NRCAM: variants seen among roughly 807,000 people sequenced by gnomAD.
NRCAM encodes the protein NgCAM-related cell adhesion molecule.
NRCAM carries 83 observed loss-of-function variants against 156.5 expected under a neutral mutation model. The observed-to-expected ratio is 0.53, with a 90% confidence interval of 0.44 to 0.64. The LOEUF (loss-of-function observed/expected upper bound fraction) is 0.64. Among genes scored for constraint, NRCAM ranks in the 30% least tolerant of loss-of-function variants. The pLI is 0.00. For missense variants in NRCAM, 1,417 were observed against 1,597.3 expected (o/e 0.89, Z 1.92); for synonymous variants, 538 against 563.9 (o/e 0.95, Z 0.65).
chr7:108,430,437 C>T (rs1224390803), intron 1 of NRCAM, among the ~76,000 whole-genome samples: 5 of 152,032 alleles, frequency 3.3e-5, no homozygotes, highest in African/African-American at 9.6e-5. Flanking sequence ...AGGGATCTCC[C>T]GATAGATTAG....
intron 3 of NRCAM, among the ~76,000 whole-genome samples, chr7:108,244,586 G>A (rs2095779844): frequency 2.0e-5 from 3 of 151,824 alleles, no homozygotes; most frequent in African/African-American, 7.3e-5. Flanking sequence ...CATCAACAGA[G>A]TCAATTACAT....
At chr7:108,225,799 C>T (rs1182529463) in intron 9 of NRCAM, 98 bp from the exon 10 acceptor site, 6 of 793,348 alleles carry the variant, frequency 7.6e-6, no homozygotes, top group Admixed American at 3.4e-5. Context: ...CTATCCTGAC[C>T]GAGTGCTGTT....
chr7:108,440,837 T>C (rs1009295471), intron 1 of NRCAM, among the ~76,000 whole-genome samples: 4 of 152,226 alleles, frequency 2.6e-5, no homozygotes, highest in Admixed American at 2.6e-4. Flanking sequence ...GCTCACAATA[T>C]TTTTGTGTGT....
chr7:108,449,368 C>A (rs139443441), intron 1 of NRCAM, among the ~76,000 whole-genome samples: 8 of 152,188 alleles, frequency 5.3e-5, no homozygotes, highest in East Asian at 1.9e-4. Context: ...CCAGCTCCCC[C>A]CTCCCTTCAC....
chr7:108,166,417 A>G (rs1478638493), intron 30 of NRCAM, among the ~76,000 whole-genome samples: 1 of 151,338 alleles, frequency 6.6e-6, no homozygotes, highest in African/African-American at 2.4e-5. Context: ...CCAGCTAATT[A>G]TTGTATTTTT....
intron 1 of NRCAM, among the ~76,000 whole-genome samples, chr7:108,447,270 T>C (rs1049752945): frequency 1.4e-5 from 2 of 144,862 alleles, no homozygotes; most frequent in African/African-American, 5.1e-5. Context: ...TTTTTTTTTT[T>C]TTTTTTTTTT....
intron 11 of NRCAM, among the ~76,000 whole-genome samples, chr7:108,211,658 T>C (rs1014054915): frequency 6.6e-6 from 1 of 152,020 alleles, no homozygotes. Flanking sequence ...GAGGGACAAC[T>C]TGCATGACTC....
At chr7:108,446,982 G>C (rs1845018117) in intron 1 of NRCAM, among the ~76,000 whole-genome samples, 1 of 151,968 alleles carries the variant, frequency 6.6e-6, no homozygotes, top group South Asian at 2.1e-4. Context: ...TGCCCGCCCA[G>C]GCCTCCCAAA....
Position 108,148,021 on chromosome 7 carries a change from T to C in NRCAM, c.*1889A>G, listed in dbSNP as rs2039675915. ...CAGGTGGATCTGTGAAAAATGAATATAGAGACATGAAAGTATTTAGGGCCA... is the reference window on the plus strand; with the variant it reads ...CAGGTGGATCTGTGAAAAATGAATACAGAGACATGAAAGTATTTAGGGCCA... On this transcript the variant is annotated 3_prime_UTR_variant, in exon 33 of 33. Transcript: ENST00000379028. 6.6e-6 allele frequency: 1 copy of C among 152,670 alleles called. No individual in the cohort carries two copies. Among genetic ancestry groups the C allele is most frequent in the African/African-American group, 2.4e-5 (1 of 41,462 alleles). 9.5% of individuals were successfully genotyped at this position (152,670 alleles called of 1,614,324 possible).
intron 3 of NRCAM, among the ~76,000 whole-genome samples, chr7:108,282,863 T>C (rs1161698905): frequency 1.3e-5 from 2 of 152,238 alleles, no homozygotes; most frequent in African/African-American, 2.4e-5. Context: ...CAAACTCTAC[T>C]GCACACTAGA....
At chr7:108,448,631 AGCT>A (rs1847060914) in intron 1 of NRCAM, among the ~76,000 whole-genome samples, 1 of 152,172 alleles carries the variant, frequency 6.6e-6, no homozygotes, top group South Asian at 2.1e-4. Context: ...ACCTCCTAGT[AGCT>A]GCTTTTATTA....
chr7:108,396,612 A>T (rs189932399), intron 2 of NRCAM, among the ~76,000 whole-genome samples: 65 of 152,362 alleles, frequency 4.3e-4, no homozygotes, highest in East Asian at 3.3e-3. Flanking sequence ...AGAAATCATA[A>T]ATGTTTGAGG....
At chr7:108,362,999 C>T (rs183800342) in intron 2 of NRCAM, among the ~76,000 whole-genome samples, 2 of 152,090 alleles carry the variant, frequency 1.3e-5, no homozygotes, top group East Asian at 3.9e-4. Context: ...TAAGAACTTG[C>T]TAAACAAACA....
Position 108,175,340 on chromosome 7 carries a change from C to G in NRCAM, c.3169G>C (p.Asp1057His). Reference protein sequence around the residue: ...TVDEAGILPPDVGAGKVQAVN... With the variant: ...TVDEAGILPPHVGAGKVQAVN... ...ATTTTACCTTTGCCTGCACCTACAT[C>G]AGGTGGAAGAATACCAGCTTTAATG... Residue 1057 changes from aspartate (D) to histidine (H), a missense_variant, in exon 28 of 33, where the codon GAT becomes CAT. By Grantham distance (81) the Asp-to-His change is moderately conservative. Coordinates refer to ENST00000379028, the MANE Select transcript of NRCAM (RefSeq NM_001037132.4). 6.4e-7 allele frequency: 1 copy of G among 1,561,520 alleles called. No individual in the cohort carries two copies. The highest frequency in any genetic ancestry group is 8.7e-7 in the Non-Finnish European group (1 of 1,151,792).
At chr7:108,333,458 T>TTTAA (rs1197349048) in intron 2 of NRCAM, among the ~76,000 whole-genome samples, 1 of 152,194 alleles carries the variant, frequency 6.6e-6, no homozygotes, top group Non-Finnish European at 1.5e-5. Context: ...ATAATTCTAT[T>TTTAA]TTAACAAAAC....
chr7:108,443,588 A>T (rs1841006682), intron 1 of NRCAM, among the ~76,000 whole-genome samples: 1 of 152,208 alleles, frequency 6.6e-6, no homozygotes, highest in Non-Finnish European at 1.5e-5. Flanking sequence ...TCATGTTGAA[A>T]GAAACCTTCT....
At chr7:108,352,492 A>T (rs1239363227) in intron 2 of NRCAM, among the ~76,000 whole-genome samples, 1 of 152,248 alleles carries the variant, frequency 6.6e-6, no homozygotes, top group Non-Finnish European at 1.5e-5. Flanking sequence ...GTCTGCCTGG[A>T]TGCTGGAAAG....
chr7:108,453,085 C>A (rs575355928), intron 1 of NRCAM, among the ~76,000 whole-genome samples: 2 of 152,254 alleles, frequency 1.3e-5, no homozygotes, highest in South Asian at 4.2e-4. Context: ...TTAATCTTCC[C>A]AAGGACAGAT....
At position 108,149,436 on chromosome 7, in the gene NRCAM, CA is replaced by C. The variant is rs2040117649; in HGVS notation, c.*473del. On this transcript the variant is annotated 3_prime_UTR_variant, in exon 33 of 33. Coordinates refer to ENST00000379028, the MANE Select transcript of NRCAM (RefSeq NM_001037132.4). ...CTATACATAGTCACCAATTTCACAA[CA>C]ATGTCCACAAAGACATTGAAGTTCT... 1 of 160,894 alleles carries C rather than the reference CA, an allele frequency of 6.2e-6. No homozygotes were observed. Among genetic ancestry groups the C allele is most frequent in the Admixed American group, 5.9e-5 (1 of 16,848 alleles). The allele number at this position is 160,894 out of a possible 1,614,324, so 10.0% of individuals were successfully genotyped here.
Sources: allele counts gnomAD v4.1 joint callset (sites outside exome capture counted in the v4.1 genomes callset), GRCh38; gene constraint gnomAD v4.1.1; transcripts MANE v1.5; gene names NCBI Gene and HGNC (gene_info 2026-07-23, HGNC 2026-07-21).